Variants in ZNF596 observed in about 807,000 individuals in gnomAD.
The protein encoded by ZNF596 is zinc finger protein 596.
In ZNF596, 45 loss-of-function variants were observed where a neutral mutation model predicts 48.3. The ratio of observed to expected loss-of-function variants is 0.93; its 90% CI spans 0.73 to 1.19. The LOEUF is 1.19. ZNF596 is among the 50% of genes most tolerant of loss of function. The probability of loss-of-function intolerance (pLI) is 0.00; values close to 1 mark genes in which losing one functional copy is unlikely to be tolerated. For synonymous variants in ZNF596, 270 were observed against 202.0 expected, an observed-to-expected ratio of 1.34 and a Z score of -2.85; for missense variants, 848 against 599.7, an observed-to-expected ratio of 1.41 and a Z score of -4.32.
upstream of ZNF596, chr8:232,447 C>G: frequency 7.7e-6 from 2 of 258,354 alleles, 1 homozygote; most frequent in South Asian, 8.1e-5. Context: ...TGGCCAAACC[C>G]AGCCACGCAG....
At chr8:238,374 A>C (rs1796706282) in intron 1 of ZNF596, among the ~76,000 whole-genome samples, 1 of 152,142 alleles carries the variant, frequency 6.6e-6, no homozygotes, top group Non-Finnish European at 1.5e-5. Flanking sequence ...CACAGCTCTA[A>C]GGAAAAATAC....
At chr8:235,156 G>A (rs182748067) in intron 1 of ZNF596, among the ~76,000 whole-genome samples, 22 of 152,298 alleles carry the variant, frequency 1.4e-4, no homozygotes, top group African/African-American at 5.3e-4. Flanking sequence ...GTTTTATTCA[G>A]TAATTGATTT....
chr8:242,846 G>T, intron 2 of ZNF596, 41 bp from the exon 3 acceptor site: 6 of 1,429,006 alleles, frequency 4.2e-6, no homozygotes, highest in African/African-American at 1.4e-5. Context: ...AACATTGGCA[G>T]AGATAGCCCT....
At chr8:235,345 G>T (rs1320166614) in intron 1 of ZNF596, among the ~76,000 whole-genome samples, 1 of 152,170 alleles carries the variant, frequency 6.6e-6, no homozygotes, top group Non-Finnish European at 1.5e-5. Flanking sequence ...GGGTTTGATC[G>T]CAGAGTAAAT....
At chr8:245,054 C>G (rs530029514) in intron 5 of ZNF596, 100 bp from the exon 6 acceptor site, 11 of 1,381,564 alleles carry the variant, frequency 8.0e-6, no homozygotes, top group Non-Finnish European at 1.1e-5. Context: ...GAGTCTACCA[C>G]TGAATGATTA....
intron 5 of ZNF596, 82 bp downstream of exon 5, chr8:244,783 G>GTACCA: frequency 8.8e-7 from 1 of 1,138,264 alleles, no homozygotes; most frequent in Non-Finnish European, 1.3e-6. Flanking sequence ...ACAGGTACCT[G>GTACCA]ACTGTACTTA....
In ZNF596 at chr8:232,496, G is replaced by C. The variant is rs1039412563; in HGVS notation, c.-271G>C. Reference sequence around the variant, plus strand: ...GCGTCCTCCACACCCGGGGTCTGCTGGTCTCCGCGGATGTCACAGGCTCGG... The same window carrying C: ...GCGTCCTCCACACCCGGGGTCTGCTCGTCTCCGCGGATGTCACAGGCTCGG... On this transcript the variant is annotated 5_prime_UTR_variant, in exon 1 of 6. Transcript: ENST00000398612. 1 of 303,234 alleles carries C rather than the reference G, an allele frequency of 3.3e-6. No individual in the cohort carries two copies. Among genetic ancestry groups the C allele is most frequent in the Non-Finnish European group, 6.8e-6 (1 of 147,566 alleles). 18.8% of individuals were successfully genotyped at this position (303,234 alleles called of 1,614,324 possible).
intron 1 of ZNF596, 195 bp from the exon 2 acceptor site, chr8:240,625 AAAAT>A (rs1796814615): frequency 2.2e-6 from 1 of 455,212 alleles, no homozygotes; most frequent in African/African-American, 2.0e-5. Context: ...TTCTAGGTCT[AAAAT>A]AAAAATATTT....
Position 244,679 on chromosome 8 carries a change from G to C in ZNF596, c.284G>C (p.Gly95Ala), listed in dbSNP as rs150549816. The C allele has an allele frequency of 5.5e-5, 88 of 1,613,246 alleles. No individual in the cohort carries two copies. The highest frequency in any genetic ancestry group is 1.6e-4 in the Middle Eastern group (1 of 6,078). The stretch of plus-strand genomic sequence containing the variant: ...TTCATTCAACATATCTATCAGAAGG[G>C]CACGTCCACCATCAGCACAATGGTA... ...IPFIQHIYQKGTSTISTMRSH... is the reference protein window; with the variant it reads ...IPFIQHIYQKATSTISTMRSH... Residue 95 changes from glycine (G) to alanine (A), a missense_variant, in exon 5 of 6, where the codon GGC (glycine) becomes GCC (alanine). Gly to Ala is a moderately conservative substitution (Grantham distance 60). Transcript: ENST00000398612.
chr8:244,424 T>C, intron 4 of ZNF596, 195 bp from the exon 5 acceptor site: 1 of 567,526 alleles, frequency 1.8e-6, no homozygotes, highest in Non-Finnish European at 3.1e-6. Flanking sequence ...TTCCTCGACT[T>C]GCCTTTATTT....
Position 243,707 on chromosome 8 carries a change from T to C in ZNF596, c.140-15T>C. 6.2e-7 allele frequency: 1 copy of C among 1,612,644 alleles called. No individual in the cohort carries two copies. The highest frequency in any genetic ancestry group is 8.5e-7 in the Non-Finnish European group (1 of 1,179,026). The stretch of plus-strand genomic sequence containing the variant: ...CACAGAACTCAAAATCCATGTATCT[T>C]TTTCCCCAAAACAGGCAAACAGCTC... On this transcript the variant is annotated splice_polypyrimidine_tract_variant and intron_variant, in intron 3 of 5. Coordinates refer to ENST00000398612, the MANE Select transcript of ZNF596 (RefSeq NM_001042416.3).
At chr8:236,576 A>G (rs751403875) in intron 1 of ZNF596, among the ~76,000 whole-genome samples, 1 of 152,146 alleles carries the variant, frequency 6.6e-6, no homozygotes, top group Non-Finnish European at 1.5e-5. Context: ...AGTCCCCACA[A>G]TTTGGTATGA....
intron 4 of ZNF596, 49 bp downstream of exon 4, chr8:243,854 A>C (rs1368752851): frequency 7.3e-6 from 11 of 1,500,994 alleles, no homozygotes; most frequent in Non-Finnish European, 1.0e-5. Flanking sequence ...AAACATGGCC[A>C]GTGAGTGAGT....
Position 246,368 on chromosome 8 carries a change from A to T in ZNF596, c.*6A>T, listed in dbSNP as rs1471102470. On this transcript the variant is annotated 3_prime_UTR_variant, in exon 6 of 6. Transcript: ENST00000398612. ...AAAAAGCAATGAATATGTAAGAATC[A>T]TCAGCTGTAGCGTTAACACTAAATA... The T allele has an allele frequency of 1.3e-6, 2 of 1,572,234 alleles. No individual in the cohort carries two copies. The highest frequency in any genetic ancestry group is 1.7e-6 in the Non-Finnish European group (2 of 1,164,160).
chr8:234,869 T>C (rs759247037), intron 1 of ZNF596: 2 of 152,086 alleles, frequency 1.3e-5, no homozygotes, highest in African/African-American at 4.8e-5. Flanking sequence ...GTATGGGTCG[T>C]TTAGGGACAA....
intron 1 of ZNF596, among the ~76,000 whole-genome samples, chr8:238,205 T>C (rs1489799521): frequency 1.3e-5 from 2 of 152,110 alleles, no homozygotes; most frequent in Non-Finnish European, 2.9e-5. Context: ...GGTAGAGAAT[T>C]TTTAGGAGGC....
chr8:241,209 G>C (rs915751620), intron 2 of ZNF596, among the ~76,000 whole-genome samples: 1 of 152,136 alleles, frequency 6.6e-6, no homozygotes, highest in African/African-American at 2.4e-5. Flanking sequence ...GGCCTTGTTG[G>C]GGAAATAAAT....
chr8:235,699 C>G (rs1348449651), intron 1 of ZNF596, among the ~76,000 whole-genome samples: 5 of 152,068 alleles, frequency 3.3e-5, no homozygotes, highest in Non-Finnish European at 5.9e-5. Context: ...TATTATGTTT[C>G]TGCAGTGAAA....
intron 5 of ZNF596, 94 bp from the exon 6 acceptor site, chr8:245,060 G>A (rs1797007182): frequency 7.1e-7 from 1 of 1,408,426 alleles, no homozygotes; most frequent in Non-Finnish European, 9.5e-7. Context: ...ACCACTGAAT[G>A]ATTATTCTAG....
Sources: allele counts gnomAD v4.1 joint callset (sites outside exome capture counted in the v4.1 genomes callset), GRCh38; gene constraint gnomAD v4.1.1; transcripts MANE v1.5; gene names NCBI Gene and HGNC (gene_info 2026-07-23, HGNC 2026-07-21).